Variants in OSGIN1 observed in about 807,000 individuals in gnomAD.
OSGIN1 encodes the protein oxidative stress-induced growth inhibitor 1.
OSGIN1 carries 19 observed loss-of-function variants against 20.1 expected under a neutral mutation model. The observed-to-expected ratio is 0.95, with a 90% CI of 0.66 to 1.39. The LOEUF is 1.39. Ranked by LOEUF, OSGIN1 falls within the 40% of genes most tolerant of loss-of-function variation. OSGIN1 has a pLI of 0.00. For missense variants in OSGIN1, 820 were observed against 653.0 expected, an observed-to-expected ratio of 1.26 and a Z score of -2.79; for synonymous variants, 368 against 297.8, an observed-to-expected ratio of 1.24 and a Z score of -2.43.
At position 83,966,068 on chromosome 16, in the gene OSGIN1, T is replaced by TCCAGCAG; in HGVS notation, c.*61_*62insCCAGCAG. 7.7e-7 allele frequency: 1 copy of TCCAGCAG among 1,305,242 alleles called. No homozygotes were observed. The highest frequency in any genetic ancestry group is 1.0e-6 in the Non-Finnish European group (1 of 972,538). 80.9% of individuals were successfully genotyped at this position (1,305,242 alleles called of 1,614,324 possible). A position where few individuals can be genotyped will look rare whatever the true frequency, so the allele number is the denominator to read the frequency against. ...AGGACAGAGATGACCACATCCCTGC[T>TCCAGCAG]GGATGCAGGACCCGTCCAAAGATGC... On this transcript the variant is annotated 3_prime_UTR_variant, in exon 6 of 6. Transcript: ENST00000393306.
intron 1 of OSGIN1, among the ~76,000 whole-genome samples, chr16:83,956,407 A>G (rs754926056): frequency 6.6e-6 from 1 of 152,220 alleles, no homozygotes; most frequent in Non-Finnish European, 1.5e-5. Context: ...CTCTGGAAGA[A>G]TTCTGGAGGC....
In OSGIN1 at chr16:83,960,597, A is replaced by G; in HGVS notation, c.233A>G (p.Glu78Gly). Reference sequence around the variant, plus strand: ...CTGGACTACCTGTCCGAAGGCCTCGAAGGCCGATCCCAAAGCCCCGTGGCC... The same window carrying G: ...CTGGACTACCTGTCCGAAGGCCTCGGAGGCCGATCCCAAAGCCCCGTGGCC... ...QDLDYLSEGL[E>G]GRSQSPVALL... The change falls in exon 4 of 6, where the codon GAA becomes GGA. Residue 78 changes from glutamate to glycine, a missense_variant. Coordinates refer to ENST00000393306, the MANE Select transcript of OSGIN1 (RefSeq NM_182981.3). 6.2e-7 allele frequency: 1 copy of G among 1,613,406 alleles called. No individual in the cohort carries two copies. The highest frequency in any genetic ancestry group is 8.5e-7 in the Non-Finnish European group (1 of 1,180,026).
At chr16:83,954,295 C>T (rs1908825503) in intron 1 of OSGIN1, 1 of 152,244 alleles carries the variant, frequency 6.6e-6, no homozygotes, top group Admixed American at 6.5e-5. Flanking sequence ...GCTTTAACAA[C>T]CTCAGAAGTA....
chr16:83,962,668 A>G (rs2151078410), intron 5 of OSGIN1, among the ~76,000 whole-genome samples: 1 of 152,368 alleles, frequency 6.6e-6, no homozygotes, highest in South Asian at 2.1e-4. Context: ...GACTTGAGAC[A>G]TCAATCACTA....
In OSGIN1 at chr16:83,960,430, A is replaced by G. The variant is rs183717502; in HGVS notation, c.205-139A>G. ...AAAACGAGAGCTTCAAACTACCCCC[A>G]GGGTGCGCATCTCTCTGAGACCCTC... On this transcript the variant is annotated intron_variant, in intron 3 of 5. Coordinates refer to ENST00000393306, the MANE Select transcript of OSGIN1 (RefSeq NM_182981.3). 118 of 653,464 alleles carry G rather than the reference A, an allele frequency of 1.8e-4. No individual in the cohort carries two copies. In the African/African-American group the frequency reaches 2.0e-3, roughly 11 times the overall value. The allele number at this position is 653,464 out of a possible 1,614,324, so 40.5% of individuals were successfully genotyped here.
intron 3 of OSGIN1, 146 bp from the exon 4 acceptor site, chr16:83,960,423 T>C (rs1909147741): frequency 1.6e-6 from 1 of 637,986 alleles, no homozygotes; most frequent in Non-Finnish European, 2.7e-6. Flanking sequence ...AGCTTCAAAC[T>C]ACCCCCAGGG....
At chr16:83,954,847 C>T (rs1908850325) in intron 1 of OSGIN1, 1 of 593,934 alleles carries the variant, frequency 1.7e-6, no homozygotes, top group Non-Finnish European at 2.1e-6. Context: ...TGCAAATGCC[C>T]TTCTTGGGGT....
intron 5 of OSGIN1, among the ~76,000 whole-genome samples, chr16:83,963,078 C>T (rs1370321294): frequency 6.6e-6 from 1 of 152,200 alleles, no homozygotes; most frequent in Non-Finnish European, 1.5e-5. Flanking sequence ...CTTCCTCCGC[C>T]CCCAGGGCTG....
At position 83,965,812 on chromosome 16, in the gene OSGIN1, A is replaced by G; in HGVS notation, c.1239A>G (p.Ala413=). The change falls in exon 6 of 6, where the codon GCA becomes GCG. Residue 413 remains alanine (A), a synonymous_variant. Coordinates refer to ENST00000393306, the MANE Select transcript of OSGIN1 (RefSeq NM_182981.3). ...TGCCTGGGGCAGGGGCTGACTTTGCAGTGGATCCTGACCAGCCGCTGAGCG... is the reference window on the plus strand; with the variant it reads ...TGCCTGGGGCAGGGGCTGACTTTGCGGTGGATCCTGACCAGCCGCTGAGCG... ...SFLPGAGADF[A]VDPDQPLSAK... The G allele has an allele frequency of 6.2e-7, 1 of 1,612,750 alleles. No individual in the cohort carries two copies. Among genetic ancestry groups the G allele is most frequent in the Non-Finnish European group, 8.5e-7 (1 of 1,179,964 alleles).
chr16:83,961,436 G>C (rs1041484080), intron 5 of OSGIN1, among the ~76,000 whole-genome samples: 4 of 152,156 alleles, frequency 2.6e-5, no homozygotes, highest in South Asian at 4.1e-4. Context: ...CAAATGAGGC[G>C]ATCAGATACG....
Position 83,959,365 on chromosome 16 carries a change from C to G in OSGIN1, c.173C>G (p.Thr58Ser). 1 of 1,613,882 alleles carries G rather than the reference C, an allele frequency of 6.2e-7. No individual in the cohort carries two copies. Among genetic ancestry groups the G allele is most frequent in the Non-Finnish European group, 8.5e-7 (1 of 1,179,990 alleles). Residue 58 changes from threonine (T) to serine (S), a missense_variant, in exon 3 of 6, where the codon ACC (threonine) becomes AGC (serine). By Grantham distance (58) the Thr-to-Ser change is moderately conservative. Coordinates refer to ENST00000393306, the MANE Select transcript of OSGIN1 (RefSeq NM_182981.3). ...HPHPLLQRKL[T>S]EAPGVSILDQ... ...CACCCCCTGCTGCAGAGGAAGCTCA[C>G]CGAGGCCCCGGGGGTCTCCATCCTG... is the stretch of plus-strand genomic sequence containing the variant.
intron 2 of OSGIN1, among the ~76,000 whole-genome samples, chr16:83,958,507 C>T (rs916370665): frequency 6.6e-6 from 1 of 152,172 alleles, no homozygotes; most frequent in Admixed American, 6.5e-5. Flanking sequence ...GATTAAGCCA[C>T]GTGAGATGGT....
chr16:83,957,589 C>T (rs368050278), intron 1 of OSGIN1, 51 bp from the exon 2 acceptor site: 52 of 932,002 alleles, frequency 5.6e-5, no homozygotes, highest in Non-Finnish European at 8.2e-5. Context: ...GCTGTGTGGA[C>T]ACCCAGGCCT....
intron 1 of OSGIN1, 113 bp from the exon 2 acceptor site, chr16:83,957,527 C>G: frequency 1.5e-6 from 1 of 663,272 alleles, no homozygotes; most frequent in Non-Finnish European, 2.8e-6. Context: ...ATGGGGACCC[C>G]GGACCAGACC....
chr16:83,963,832 A>T (rs1235774103), intron 5 of OSGIN1, among the ~76,000 whole-genome samples: 1 of 152,224 alleles, frequency 6.6e-6, no homozygotes, highest in Non-Finnish European at 1.5e-5. Flanking sequence ...AGGTGCTAGA[A>T]TGATGCAAAG....
Position 83,965,653 on chromosome 16 carries a change from C to T in OSGIN1, c.1080C>T (p.Ser360=), listed in dbSNP as rs1458091714. Residue 360 remains serine (S), a synonymous_variant, in exon 6 of 6, where the codon AGC becomes AGT. Coordinates refer to ENST00000393306, the MANE Select transcript of OSGIN1 (RefSeq NM_182981.3). Reference sequence around the variant, plus strand: ...CCAGCCCCTATGAGGGTTACCGCAGCCTCCCCAGGCACCAGCTGCTGTGCT... The same window carrying T: ...CCAGCCCCTATGAGGGTTACCGCAGTCTCCCCAGGCACCAGCTGCTGTGCT... The part of the protein sequence containing the change: ...LSPSPYEGYR[S]LPRHQLLCFK... 2 of 1,613,428 alleles carry T rather than the reference C, an allele frequency of 1.2e-6. No homozygotes were observed. The highest frequency in any genetic ancestry group is 2.2e-5 in the East Asian group (1 of 44,880).
In OSGIN1 at chr16:83,953,316, C is replaced by G. The variant is rs188750935; in HGVS notation, c.-87C>G. 1.4e-5 allele frequency: 18 copies of G among 1,289,022 alleles called. No homozygotes were observed. The Admixed American group carries it at 3.7e-4, about 26-fold the overall frequency. The allele number at this position is 1,289,022 out of a possible 1,614,324, so 79.8% of individuals were successfully genotyped here. A position where few individuals can be genotyped will look rare whatever the true frequency, so the allele number is the denominator to read the frequency against. The stretch of plus-strand genomic sequence containing the variant: ...CTCTGTGATCCGTGTTCCCCTGACC[C>G]TCCTAGTGCACAACTTGGCCGGGCT... On this transcript the variant is annotated 5_prime_UTR_variant, in exon 1 of 6. Coordinates refer to ENST00000393306, the MANE Select transcript of OSGIN1 (RefSeq NM_182981.3).
In OSGIN1 at chr16:83,965,754, TC is replaced by T; in HGVS notation, c.1183del (p.Leu395SerfsTer26). 1 of 1,613,352 alleles carries T rather than the reference TC, an allele frequency of 6.2e-7. No individual in the cohort carries two copies. Among genetic ancestry groups the T allele is most frequent in the South Asian group, 1.1e-5 (1 of 91,060 alleles). On this transcript the variant is annotated frameshift_variant, in exon 6 of 6. Coordinates refer to ENST00000393306, the MANE Select transcript of OSGIN1 (RefSeq NM_182981.3). LOFTEE classifies it low-confidence loss of function (END_TRUNC). ...GTGTTTGGGGTCTCCCTGGTGCTGG[TC>T]CTCATCGGCTCCCACCCCGACCTCT... ...EKVFGVSLVL[V>X]LIGSHPDLSF...
At chr16:83,958,983 A>G (rs1909072234) in intron 2 of OSGIN1, among the ~76,000 whole-genome samples, 1 of 152,198 alleles carries the variant, frequency 6.6e-6, no homozygotes, top group African/African-American at 2.4e-5. Context: ...AAAGGAGGAA[A>G]AGAGTGGCAC....
Sources: allele counts gnomAD v4.1 joint callset (sites outside exome capture counted in the v4.1 genomes callset), GRCh38; gene constraint gnomAD v4.1.1; transcripts MANE v1.5; gene names NCBI Gene and HGNC (gene_info 2026-07-23, HGNC 2026-07-21).